The following TRIM24 variants were observed in gnomAD, a reference collection of about 807,000 sequenced individuals.
The protein encoded by TRIM24 is transcription intermediary factor 1-alpha.
Under a neutral mutation model 123.9 loss-of-function variants are expected in TRIM24, and 29 were observed. The observed-to-expected ratio is 0.23, with a 90% CI of 0.17 to 0.32. The LOEUF (loss-of-function observed/expected upper bound fraction) is 0.32. TRIM24 is among the 10% of genes least tolerant of loss of function. The pLI is 1.00. For synonymous variants in TRIM24, 456 were observed against 461.1 expected, an observed-to-expected ratio of 0.99 and a Z score of 0.14; for missense variants, 932 against 1,295.3, an observed-to-expected ratio of 0.72 and a Z score of 4.31.
intron 9 of TRIM24, among the ~76,000 whole-genome samples, chr7:138,556,968 AG>A (rs1194956762): frequency 6.6e-6 from 1 of 152,250 alleles, no homozygotes; most frequent in Non-Finnish European, 1.5e-5. Context: ...GGCAGAACAA[AG>A]GCAGTTTGAA....
intron 18 of TRIM24, among the ~76,000 whole-genome samples, chr7:138,584,310 G>A (rs1051452724): frequency 2.6e-5 from 4 of 152,114 alleles, no homozygotes; most frequent in Non-Finnish European, 5.9e-5. Context: ...AAATATTAAG[G>A]ATGTGGGCCA....
intron 4 of TRIM24, among the ~76,000 whole-genome samples, chr7:138,521,946 G>A (rs1359567397): frequency 6.6e-6 from 1 of 152,134 alleles, no homozygotes; most frequent in Non-Finnish European, 1.5e-5. Context: ...CATAGTCACA[G>A]TGGAAAATCT....
At chr7:138,562,768 A>G (rs544791796) in intron 9 of TRIM24, among the ~76,000 whole-genome samples, 3 of 152,180 alleles carry the variant, frequency 2.0e-5, no homozygotes, top group Non-Finnish European at 4.4e-5. Flanking sequence ...TTTGTGAGAC[A>G]GTTCTGGTGG....
intron 1 of TRIM24, among the ~76,000 whole-genome samples, chr7:138,467,157 C>A (rs1401612994): frequency 2.0e-5 from 3 of 152,172 alleles, no homozygotes; most frequent in Non-Finnish European, 4.4e-5. Context: ...CTCTTCTCAG[C>A]AAATTTTGAA....
chr7:138,461,807 A>C (rs1794981343), intron 1 of TRIM24, among the ~76,000 whole-genome samples: 1 of 152,328 alleles, frequency 6.6e-6, no homozygotes, highest in East Asian at 1.9e-4. Context: ...ATACAGTGTA[A>C]CTGGAAAAGC....
At chr7:138,555,414 T>C (rs936654930) in intron 9 of TRIM24, among the ~76,000 whole-genome samples, 36 of 152,234 alleles carry the variant, frequency 2.4e-4, no homozygotes, top group Middle Eastern at 6.8e-3. Flanking sequence ...TTCATTATAA[T>C]CTACCTTTTT....
At chr7:138,535,835 C>G (rs372735386) in intron 6 of TRIM24, among the ~76,000 whole-genome samples, 1 of 152,036 alleles carries the variant, frequency 6.6e-6, no homozygotes, top group African/African-American at 2.4e-5. Context: ...CCATTCTCCC[C>G]GTCACTTTCA....
chr7:138,522,041 A>G (rs2116569941), intron 4 of TRIM24, among the ~76,000 whole-genome samples: 1 of 146,022 alleles, frequency 6.8e-6, no homozygotes, highest in Non-Finnish European at 1.5e-5. Flanking sequence ...AAACTGAGAA[A>G]TCACAGGTGG....
At chr7:138,578,669 A>ACAAT (rs1475083013) in intron 14 of TRIM24, among the ~76,000 whole-genome samples, 12 of 152,314 alleles carry the variant, frequency 7.9e-5, no homozygotes, top group Admixed American at 3.9e-4. Context: ...GCAATTTTTA[A>ACAAT]CAATCATTTT....
At chr7:138,502,726 C>T (rs1796068193) in intron 1 of TRIM24, among the ~76,000 whole-genome samples, 1 of 152,120 alleles carries the variant, frequency 6.6e-6, no homozygotes, top group South Asian at 2.1e-4. Context: ...CTCTGAAATG[C>T]ATTGTGACAT....
At chr7:138,482,561 A>G (rs903428162) in intron 1 of TRIM24, among the ~76,000 whole-genome samples, 84 of 152,326 alleles carry the variant, frequency 5.5e-4, no homozygotes, top group African/African-American at 1.9e-3. Context: ...CCTGATCATC[A>G]TGCTTATGAA....
At chr7:138,561,555 C>T (rs1014753306) in intron 9 of TRIM24, among the ~76,000 whole-genome samples, 1 of 152,118 alleles carries the variant, frequency 6.6e-6, no homozygotes, top group African/African-American at 2.4e-5. Flanking sequence ...TCAGTTGCTG[C>T]CCTAGAGTCA....
rs1326763793 is a variant in TRIM24 at position 138,586,211 on chromosome 7, G to C, written c.*1260G>C. The stretch of plus-strand genomic sequence containing the variant: ...GATAGATAGATAGAAGAAAATTGCT[G>C]TGCCATACATTAATCCAGCATTTGA... On this transcript the variant is annotated 3_prime_UTR_variant, in exon 19 of 19. Transcript: ENST00000343526. The C allele has an allele frequency of 1.3e-5, 3 of 224,154 alleles. No individual in the cohort carries two copies. Among genetic ancestry groups the C allele is most frequent in the Non-Finnish European group, 2.7e-5 (3 of 110,334 alleles). The allele number at this position is 224,154 out of a possible 1,614,324, so 13.9% of individuals were successfully genotyped here.
intron 5 of TRIM24, among the ~76,000 whole-genome samples, chr7:138,528,407 T>A (rs1796657419): frequency 6.6e-6 from 1 of 152,200 alleles, no homozygotes; most frequent in South Asian, 2.1e-4. Flanking sequence ...TAGATAATAT[T>A]ATCAAGACTT....
intron 7 of TRIM24, among the ~76,000 whole-genome samples, chr7:138,544,757 A>G (rs567903828): frequency 2.6e-5 from 4 of 152,256 alleles, no homozygotes; most frequent in Admixed American, 6.5e-5. Context: ...GAATTTTCCT[A>G]TTGATCAGTG....
intron 1 of TRIM24, among the ~76,000 whole-genome samples, chr7:138,503,215 G>A (rs535862094): frequency 1.3e-5 from 2 of 152,164 alleles, no homozygotes; most frequent in South Asian, 4.1e-4. Context: ...GTTGGGAGGC[G>A]TGTCCCCTCA....
At chr7:138,508,678 TGTGTGTGTGTGTGTGCGC>T (rs1796204075) in intron 2 of TRIM24, among the ~76,000 whole-genome samples, 1 of 51,220 alleles carries the variant, frequency 2.0e-5, no homozygotes, top group South Asian at 5.7e-4. Flanking sequence ...TGTGTGTGTG[TGTGTGTGTGTGTGTGCGC>T]GCGCGTGTGT....
chr7:138,546,942 C>A (rs1797113517), intron 7 of TRIM24, among the ~76,000 whole-genome samples: 1 of 152,004 alleles, frequency 6.6e-6, no homozygotes, highest in African/African-American at 2.4e-5. Flanking sequence ...GGTATATATT[C>A]AAAGGGAATG....
intron 1 of TRIM24, among the ~76,000 whole-genome samples, chr7:138,462,417 T>C (rs1795014292): frequency 6.8e-6 from 1 of 147,216 alleles, no homozygotes; most frequent in Non-Finnish European, 1.5e-5. Flanking sequence ...CTCGGCTCAC[T>C]GCAAGCTCCG....
Sources: gnomAD v4.1 joint callset for allele counts (sites outside exome capture counted in the v4.1 genomes callset) on GRCh38, gnomAD v4.1.1 for gene constraint, MANE v1.5 for transcripts, NCBI Gene and HGNC (gene_info 2026-07-23, HGNC 2026-07-21) for gene names.